The following DST variants were observed in gnomAD, a reference collection of about 807,000 sequenced individuals.
DST encodes dystonin, also known as bullous pemphigoid antigen.
A neutral mutation model predicts 875.2 loss-of-function variants in DST; 253 were observed. That is an observed-to-expected ratio of 0.29 (90% CI 0.26 to 0.32). DST has a LOEUF of 0.32. Among genes scored for constraint, DST ranks in the 10% least tolerant of loss-of-function variants. The pLI is 1.00. For missense variants in DST, 8,287 were observed against 9,111.6 expected (o/e 0.91, Z 3.68); for synonymous variants, 3,124 against 3,197.1 (o/e 0.98, Z 0.77).
chr6:56,883,606 AAGGTTT>A (rs927392982), intron 3 of DST, among the ~76,000 whole-genome samples: 1 of 152,206 alleles, frequency 6.6e-6, no homozygotes, highest in African/African-American at 2.4e-5. Flanking sequence ...ACTTCAAGTA[AAGGTTT>A]GTTTCTTTCT....
chr6:56,771,607 C>T (rs1414844371), intron 4 of DST, among the ~76,000 whole-genome samples: 1 of 152,140 alleles, frequency 6.6e-6, no homozygotes, highest in East Asian at 1.9e-4. Flanking sequence ...GATGTTGAGG[C>T]TCCATTTTCC....
rs1464171142 is a variant in DST at position 56,485,420 on chromosome 6, G to T, written c.21099C>A (p.Ala7033=). Residue 7033 remains alanine, a synonymous_variant, in exon 88 of 104, where the codon GCC becomes GCA. Transcript: ENST00000680361. The part of the protein sequence containing the change: ...ALLFSGQFTD[A]LQALIDWLYR... ...ATAACCAATCAATGAGAGCCTGTAG[G>T]GCATCTGTGAATTGTCCAGAAAATA... is the stretch of plus-strand genomic sequence containing the variant. 6.2e-7 allele frequency: 1 copy of T among 1,613,826 alleles called. No individual in the cohort carries two copies. The highest frequency in any genetic ancestry group is 1.1e-5 in the South Asian group (1 of 91,070).
Position 56,497,393 on chromosome 6 carries a change from G to C in DST, c.20209C>G (p.Leu6737Val), listed in dbSNP as rs2152452363. 3.1e-6 allele frequency: 5 copies of C among 1,613,008 alleles called. No individual in the cohort carries two copies. The highest frequency in any genetic ancestry group is 4.2e-6 in the Non-Finnish European group (5 of 1,179,264). ...ACTTTGCTTACCATATGGACATTAA[G>C]CTGCTCCTTGGCTGTTTCCGGTAAA... ...GGLPETAKEQ[L>V]NVHMEVCAAF... Residue 6737 changes from leucine (L) to valine (V), a missense_variant, in exon 82 of 104, where the codon CTT becomes GTT. Coordinates refer to ENST00000680361, the MANE Select transcript of DST (RefSeq NM_001374736.1).
intron 4 of DST, among the ~76,000 whole-genome samples, chr6:56,780,361 A>C (rs1218456803): frequency 1.3e-5 from 2 of 151,536 alleles, no homozygotes; most frequent in Non-Finnish European, 2.9e-5. Context: ...AAGTGTTCCT[A>C]TTTCTCCACA....
intron 4 of DST, among the ~76,000 whole-genome samples, chr6:56,761,797 C>T (rs889353918): frequency 6.6e-6 from 1 of 152,160 alleles, no homozygotes; most frequent in Admixed American, 6.5e-5. Flanking sequence ...TCACTTGATA[C>T]TTCAAGTCAA....
intron 2 of DST, among the ~76,000 whole-genome samples, chr6:56,908,759 T>C (rs1797587265): frequency 6.6e-6 from 1 of 152,174 alleles, no homozygotes; most frequent in Non-Finnish European, 1.5e-5. Context: ...GCAAAGAAGC[T>C]GGCTAAAACC....
intron 3 of DST, among the ~76,000 whole-genome samples, chr6:56,898,178 G>T (rs1413232344): frequency 6.6e-6 from 1 of 152,162 alleles, no homozygotes; most frequent in Non-Finnish European, 1.5e-5. Context: ...CTATGTTGGA[G>T]GTTTGTACCT....
At chr6:56,461,788 TATA>T (rs2094344287) in intron 102 of DST, 1 of 152,232 alleles carries the variant, frequency 6.6e-6, no homozygotes, top group African/African-American at 2.4e-5. Context: ...CTGTTTTTGC[TATA>T]ATAGATCCAT....
rs116015331 is a variant in DST, at chr6:56,599,231, T to C, written c.11695-522A>G. On this transcript the variant is annotated intron_variant, in intron 45 of 103. Transcript: ENST00000680361. Reference sequence around the variant, plus strand: ...CCTCAAGATTAAGATCTCTCCTTAGTAGTTATAGCTTTCCTATGTCTAGAT... The same window carrying C: ...CCTCAAGATTAAGATCTCTCCTTAGCAGTTATAGCTTTCCTATGTCTAGAT... Among the ~76,000 whole-genome samples, 557 of 152,194 alleles carry C rather than the reference T, an allele frequency of 3.7e-3. 2 individuals are homozygous for C. Among genetic ancestry groups the C allele is most frequent in the African/African-American group, 0.012 (518 of 41,566 alleles).
intron 57 of DST, among the ~76,000 whole-genome samples, chr6:56,560,925 C>A (rs1029003663): frequency 6.6e-6 from 1 of 152,026 alleles, no homozygotes; most frequent in African/African-American, 2.4e-5. Flanking sequence ...GAAAGAAATA[C>A]CCTCTATTAA....
intron 2 of DST, among the ~76,000 whole-genome samples, chr6:56,927,743 A>G (rs1807939738): frequency 6.6e-6 from 1 of 152,232 alleles, no homozygotes; most frequent in Non-Finnish European, 1.5e-5. Context: ...GGAATGCATG[A>G]GTCATTCAGG....
Position 56,629,266 on chromosome 6 carries a change from C to T in DST, c.4459G>A (p.Val1487Met). The change falls in exon 32 of 104, where the codon GTG (valine) becomes ATG (methionine). Residue 1487 changes from valine to methionine, a missense_variant. Coordinates refer to ENST00000680361, the MANE Select transcript of DST (RefSeq NM_001374736.1). ...GATACTAACCTGTTGTCAATCTGCA[C>T]ATGAACATTTTGCCACCTTTCAACT... ...QLVERWQNVH[V>M]QIDNRLRDLE... 1.2e-6 allele frequency: 2 copies of T among 1,613,714 alleles called. No homozygotes were observed. The highest frequency in any genetic ancestry group is 1.7e-6 in the Non-Finnish European group (2 of 1,179,742).
chr6:56,561,586 C>G (rs1487154656), intron 56 of DST, 37 bp from the exon 57 acceptor site: 1 of 1,576,470 alleles, frequency 6.3e-7, no homozygotes, highest in Admixed American at 1.8e-5. Flanking sequence ...GACACATTTT[C>G]AGGACATTTG....
chr6:56,942,785 G>A (rs932898319), intron 2 of DST, among the ~76,000 whole-genome samples: 2 of 145,388 alleles, frequency 1.4e-5, no homozygotes, highest in African/African-American at 2.6e-5. Flanking sequence ...GTATGATCAC[G>A]GCTCACTGTA....
chr6:56,820,045 T>C (rs576263640), intron 4 of DST, among the ~76,000 whole-genome samples: 8 of 152,348 alleles, frequency 5.3e-5, no homozygotes, highest in African/African-American at 1.7e-4. Flanking sequence ...CAAGAATATC[T>C]GTAACCTCAA....
chr6:56,706,684 T>G (rs955112890), intron 5 of DST, among the ~76,000 whole-genome samples: 2 of 152,166 alleles, frequency 1.3e-5, no homozygotes, highest in East Asian at 3.9e-4. Flanking sequence ...GAGCACAACC[T>G]AGATCCCTCA....
intron 4 of DST, among the ~76,000 whole-genome samples, chr6:56,808,049 A>G (rs1315157524): frequency 6.6e-6 from 1 of 152,196 alleles, no homozygotes; most frequent in East Asian, 1.9e-4. Context: ...TTTTCACTAT[A>G]CGTTAATAAA....
rs2098972467 is a variant in DST at position 56,650,954 on chromosome 6, G to A, written c.1406C>T (p.Pro469Leu). 2.5e-6 allele frequency: 4 copies of A among 1,613,022 alleles called. No individual in the cohort carries two copies. Among genetic ancestry groups the A allele is most frequent in the Non-Finnish European group, 3.4e-6 (4 of 1,179,212 alleles). The change falls in exon 12 of 104, where the codon CCT (proline) becomes CTT (leucine). Residue 469 changes from proline to leucine, a missense_variant. Pro to Leu is a moderately conservative substitution (Grantham distance 98). This residue lies in a region of DST where 1,160 missense variants were observed against 1,424.3 expected (regional missense o/e 0.81). Coordinates refer to ENST00000680361, the MANE Select transcript of DST (RefSeq NM_001374736.1). ...SSLYDAFPKV[P>L]EGGEGIGAND... ...TGCACCAATGCCTTCCCCACCTTCA[G>A]GGACTTTAGGAAATGCATCATAGAG...
intron 10 of DST, among the ~76,000 whole-genome samples, chr6:56,664,504 T>C (rs1240755932): frequency 6.6e-6 from 1 of 152,194 alleles, no homozygotes; most frequent in Admixed American, 6.5e-5. Flanking sequence ...ATATCAACCC[T>C]AACTCTTGGT....
Sources: gnomAD v4.1 joint callset for allele counts (sites outside exome capture counted in the v4.1 genomes callset) on GRCh38, gnomAD v4.1.1 for gene constraint, gnomAD v4.1.1 regional missense constraint, MANE v1.5 for transcripts, NCBI Gene and HGNC (gene_info 2026-07-23, HGNC 2026-07-21) for gene names.